Variants in CD86 observed in about 807,000 individuals in gnomAD.
The protein encoded by CD86 is T-lymphocyte activation antigen CD86.
CD86 carries 11 observed loss-of-function variants against 32.1 expected under a neutral mutation model. The observed-to-expected ratio is 0.34, with a 90% CI of 0.22 to 0.57. The LOEUF (loss-of-function observed/expected upper bound fraction) is 0.57, where lower values mean the gene tolerates loss of function less well. Ranked by LOEUF, CD86 falls within the 20% of genes least tolerant of loss-of-function variation. The probability of loss-of-function intolerance (pLI) is 0.86; values close to 1 mark genes in which losing one functional copy is unlikely to be tolerated. For missense variants in CD86, 359 were observed against 398.4 expected, an observed-to-expected ratio of 0.90 and a Z score of 0.84; for synonymous variants, 137 against 135.3, an observed-to-expected ratio of 1.01 and a Z score of -0.09.
intron 1 of CD86, among the ~76,000 whole-genome samples, chr3:122,072,644 G>T (rs1050780541): frequency 5.3e-5 from 8 of 152,238 alleles, no homozygotes; most frequent in African/African-American, 1.9e-4. Context: ...TTTGTCAGAT[G>T]AGTAGGTTGC....
In CD86 at chr3:122,076,997, C is replaced by A. The variant is rs114921667; in HGVS notation, c.15-14604C>A. ...TGTGGATGAGCCTCCCCAACCCTGTCAACAACAAACTGTCACTTTGTCACT... is the reference window on the plus strand; with the variant it reads ...TGTGGATGAGCCTCCCCAACCCTGTAAACAACAAACTGTCACTTTGTCACT... On this transcript the variant is annotated intron_variant, in intron 1 of 6. Coordinates refer to ENST00000330540, the MANE Select transcript of CD86 (RefSeq NM_175862.5). Among the ~76,000 whole-genome samples, 1,452 of 152,306 alleles carry A rather than the reference C, an allele frequency of 9.5e-3. 9 individuals carry two copies. The highest frequency in any genetic ancestry group is 0.015 in the Non-Finnish European group (1,031 of 68,028).
intron 2 of CD86, among the ~76,000 whole-genome samples, chr3:122,102,406 CTTTT>C (rs1011413952): frequency 1.8e-4 from 10 of 56,130 alleles, no homozygotes; most frequent in African/African-American, 2.5e-4. Context: ...CCACTGCTTA[CTTTT>C]TTTTTTTTTT....
chr3:122,067,081 G>C (rs1326716971), intron 1 of CD86, among the ~76,000 whole-genome samples: 1 of 152,168 alleles, frequency 6.6e-6, no homozygotes, highest in Non-Finnish European at 1.5e-5. Context: ...GGATGGTGGG[G>C]AAGATGGTCA....
intron 1 of CD86, among the ~76,000 whole-genome samples, chr3:122,090,457 T>C (rs1027961597): frequency 6.6e-6 from 1 of 152,238 alleles, no homozygotes; most frequent in Middle Eastern, 3.2e-3. Context: ...TTTTCCTTTT[T>C]ACATTGGCTG....
At position 122,119,787 on chromosome 3, in the gene CD86, G is replaced by A. The variant is rs2073315163; in HGVS notation, c.*253G>A. ...CTTATGGGCCAAGCCCAGCTTAATG[G>A]CTCATGACCTGGAAATAAAATTTAG... is the stretch of plus-strand genomic sequence containing the variant. On this transcript the variant is annotated 3_prime_UTR_variant, in exon 7 of 7. Coordinates refer to ENST00000330540, the MANE Select transcript of CD86 (RefSeq NM_175862.5). The A allele has an allele frequency of 3.1e-6, 1 of 323,680 alleles. No individual in the cohort carries two copies. Among genetic ancestry groups the A allele is most frequent in the Non-Finnish European group, 5.5e-6 (1 of 181,564 alleles). The allele number at this position is 323,680 out of a possible 1,614,324, so 20.1% of individuals were successfully genotyped here.
At chr3:122,055,899 G>C (rs2072226623) in intron 1 of CD86, among the ~76,000 whole-genome samples, 1 of 152,096 alleles carries the variant, frequency 6.6e-6, no homozygotes, top group Non-Finnish European at 1.5e-5. Flanking sequence ...AAGGTAGAGG[G>C]AGAGAGATCA....
chr3:122,068,408 A>C (rs564078453), intron 1 of CD86, among the ~76,000 whole-genome samples: 10 of 152,282 alleles, frequency 6.6e-5, no homozygotes, highest in Non-Finnish European at 1.3e-4. Context: ...ATATTACCTC[A>C]TTTTATTTCT....
intron 3 of CD86, 138 bp from the exon 4 acceptor site, chr3:122,106,060 G>A (rs746388129): frequency 1.6e-6 from 1 of 613,158 alleles, no homozygotes; most frequent in Non-Finnish European, 2.8e-6. Context: ...ACCTTGGGCT[G>A]AGGGTCACAT....
At chr3:122,105,850 C>T (rs1184311374) in intron 3 of CD86, among the ~76,000 whole-genome samples, 8 of 152,070 alleles carry the variant, frequency 5.3e-5, no homozygotes, top group Non-Finnish European at 1.0e-4. Flanking sequence ...CCATGGGACA[C>T]CTGGGCCCTA....
At chr3:122,088,265 AT>A (rs2072757566) in intron 1 of CD86, among the ~76,000 whole-genome samples, 1 of 112,446 alleles carries the variant, frequency 8.9e-6, no homozygotes, top group African/African-American at 3.5e-5. Context: ...AATTTCTTTT[AT>A]TTTGAGTATG....
At chr3:122,078,486 A>G (rs2072585595) in intron 1 of CD86, among the ~76,000 whole-genome samples, 2 of 152,156 alleles carry the variant, frequency 1.3e-5, no homozygotes, top group South Asian at 4.1e-4. Flanking sequence ...CCTCTCTGCA[A>G]TGGACTTACT....
chr3:122,075,525 ACT>A (rs1157436082), intron 1 of CD86, among the ~76,000 whole-genome samples: 2 of 152,236 alleles, frequency 1.3e-5, no homozygotes, highest in African/African-American at 4.8e-5. Context: ...TTTTCTGTTA[ACT>A]CTCTTTTCTA....
intron 5 of CD86, among the ~76,000 whole-genome samples, chr3:122,117,811 CT>C (rs1347414808): frequency 2.2e-4 from 33 of 152,326 alleles, no homozygotes; most frequent in African/African-American, 7.9e-4. Context: ...AGTGAAAAAT[CT>C]ATTTCCAGTG....
intron 1 of CD86, among the ~76,000 whole-genome samples, chr3:122,089,688 T>C (rs2072782327): frequency 1.3e-5 from 2 of 152,254 alleles, no homozygotes; most frequent in Admixed American, 1.3e-4. Context: ...CAAACGATTC[T>C]GCTTCTAGGA....
chr3:122,060,604 A>G (rs1269693565), intron 1 of CD86, among the ~76,000 whole-genome samples: 1 of 152,160 alleles, frequency 6.6e-6, no homozygotes, highest in Admixed American at 6.6e-5. Context: ...TCTGAGCAAC[A>G]TAGCGAGACT....
At chr3:122,108,098 C>G (rs2073119230) in intron 4 of CD86, among the ~76,000 whole-genome samples, 1 of 152,236 alleles carries the variant, frequency 6.6e-6, no homozygotes, top group East Asian at 1.9e-4. Context: ...CAGGGGCTTG[C>G]CACCACTATA....
intron 1 of CD86, among the ~76,000 whole-genome samples, chr3:122,072,844 T>A (rs2072507023): frequency 6.6e-6 from 1 of 152,150 alleles, no homozygotes; most frequent in African/African-American, 2.4e-5. Flanking sequence ...GGTTTTCTTC[T>A]AGGGTTTTTA....
intron 5 of CD86, among the ~76,000 whole-genome samples, chr3:122,114,969 G>C (rs2073228304): frequency 6.6e-6 from 1 of 152,198 alleles, no homozygotes; most frequent in African/African-American, 2.4e-5. Flanking sequence ...ATGTGGGGAG[G>C]ATGTCTACTC....
intron 1 of CD86, among the ~76,000 whole-genome samples, chr3:122,064,776 G>A (rs1353843103): frequency 6.6e-6 from 1 of 152,208 alleles, no homozygotes; most frequent in East Asian, 1.9e-4. Flanking sequence ...GTTCAGGAGA[G>A]AGTGAGAAAA....
Sources: allele counts gnomAD v4.1 joint callset (sites outside exome capture counted in the v4.1 genomes callset), GRCh38; gene constraint gnomAD v4.1.1; transcripts MANE v1.5; gene names NCBI Gene and HGNC (gene_info 2026-07-23, HGNC 2026-07-21).